The following ANKRD30BL variants were observed in gnomAD, a reference collection of about 807,000 sequenced individuals.
The protein encoded by ANKRD30BL is ankyrin repeat domain 30B like.
A neutral mutation model predicts 18.4 loss-of-function variants in ANKRD30BL; 20 were observed. That is an observed-to-expected ratio of 1.09 (90% CI 0.77 to 1.58). The LOEUF (loss-of-function observed/expected upper bound fraction) is 1.58. ANKRD30BL is among the 40% of genes most tolerant of loss of function. The probability of loss-of-function intolerance (pLI) is 0.00; values close to 1 mark genes in which losing one functional copy is unlikely to be tolerated. For missense variants in ANKRD30BL, 224 were observed against 268.6 expected (o/e 0.83, Z 1.16); for synonymous variants, 72 against 100.9 (o/e 0.71, Z 1.72).
At chr2:132,215,327 A>G (rs1294010984) in intron 1 of ANKRD30BL, among the ~76,000 whole-genome samples, 2 of 152,326 alleles carry the variant, frequency 1.3e-5, no homozygotes, top group African/African-American at 4.8e-5. Flanking sequence ...GAGCTCTTTG[A>G]GGCCTGAGGT....
intron 1 of ANKRD30BL, among the ~76,000 whole-genome samples, chr2:132,170,539 C>A (rs2104940685): frequency 6.6e-6 from 1 of 152,342 alleles, no homozygotes; most frequent in Non-Finnish European, 1.5e-5. Flanking sequence ...TCATTATTTG[C>A]ATAGTTTCAT....
intron 1 of ANKRD30BL, among the ~76,000 whole-genome samples, chr2:132,234,804 G>A (rs1467694955): frequency 6.6e-6 from 1 of 152,042 alleles, no homozygotes; most frequent in Non-Finnish European, 1.5e-5. Flanking sequence ...CCAATCAATT[G>A]AAAAAGAGGG....
At chr2:132,221,862 G>A (rs1359281281) in intron 1 of ANKRD30BL, among the ~76,000 whole-genome samples, 1 of 125,746 alleles carries the variant, frequency 8.0e-6, no homozygotes, top group South Asian at 2.4e-4. Flanking sequence ...CGTCCGGGAG[G>A]GGGGAGGGGG....
chr2:132,181,680 G>A (rs935897413), intron 1 of ANKRD30BL, among the ~76,000 whole-genome samples: 57 of 152,174 alleles, frequency 3.7e-4, no homozygotes, highest in South Asian at 2.1e-4. Flanking sequence ...AAAAGCCATG[G>A]TGTGTAAATG....
intron 1 of ANKRD30BL, among the ~76,000 whole-genome samples, chr2:132,231,495 G>A (rs547108024): frequency 1.3e-5 from 2 of 152,240 alleles, no homozygotes; most frequent in Non-Finnish European, 2.9e-5. Context: ...CCGTGCACGA[G>A]CTGAAGCAGG....
chr2:132,166,369 T>C (rs1688187115), upstream of ANKRD30BL, among the ~76,000 whole-genome samples: 1 of 151,712 alleles, frequency 6.6e-6, no homozygotes, highest in South Asian at 2.1e-4. Flanking sequence ...AAAATTGGTA[T>C]AATTTCTCCA....
intron 1 of ANKRD30BL, among the ~76,000 whole-genome samples, chr2:132,198,158 C>T (rs1457141259): frequency 2.6e-5 from 4 of 151,868 alleles, no homozygotes; most frequent in African/African-American, 7.2e-5. Flanking sequence ...AATATTTTAA[C>T]AAGAGTTATT....
chr2:132,248,245 G>T (rs1030576068), intron 1 of ANKRD30BL, among the ~76,000 whole-genome samples: 1 of 151,924 alleles, frequency 6.6e-6, no homozygotes, highest in African/African-American at 2.4e-5. Flanking sequence ...TTCTCAGAAT[G>T]CTTCTGTTTA....
intron 1 of ANKRD30BL, among the ~76,000 whole-genome samples, chr2:132,196,853 A>T (rs1212484824): frequency 7.2e-5 from 11 of 152,192 alleles, no homozygotes; most frequent in African/African-American, 2.2e-4. Context: ...AAAATTATAT[A>T]AAAAAGAAGT....
At chr2:132,176,139 A>T (rs926707792) in intron 1 of ANKRD30BL, among the ~76,000 whole-genome samples, 15 of 152,184 alleles carry the variant, frequency 9.9e-5, no homozygotes, top group Non-Finnish European at 2.1e-4. Flanking sequence ...CATGTCTGTA[A>T]TCCCAGCATT....
intron 1 of ANKRD30BL, among the ~76,000 whole-genome samples, chr2:132,233,463 T>C (rs1328090518): frequency 1.4e-5 from 2 of 139,574 alleles, no homozygotes; most frequent in Admixed American, 1.5e-4. Context: ...GAGACACACA[T>C]AGGCTCAAAA....
At chr2:132,202,153 CA>C (rs1181310564) in intron 1 of ANKRD30BL, among the ~76,000 whole-genome samples, 2 of 146,224 alleles carry the variant, frequency 1.4e-5, no homozygotes, top group Non-Finnish European at 2.9e-5. Context: ...GGGGTGGAGG[CA>C]GGGGGGAGGG....
At chr2:132,208,548 G>A (rs1274944336) in intron 1 of ANKRD30BL, among the ~76,000 whole-genome samples, 1 of 152,036 alleles carries the variant, frequency 6.6e-6, no homozygotes, top group African/African-American at 2.4e-5. Flanking sequence ...TTATGACACA[G>A]ACAAAAATAG....
Position 132,157,118 on chromosome 2 carries a change from G to T in ANKRD30BL, c.362C>A (p.Ala121Glu), listed in dbSNP as rs1158779240. The change falls in exon 3 of 6, where the codon GCA becomes GAA. Residue 121 changes from alanine to glutamate, a missense_variant. Around this residue, in one of 3 missense-constraint regions of ANKRD30BL, gnomAD observed 30 missense variants for 77.5 expected, o/e 0.39. Transcript: ENST00000409867. ...AGCACCAGAATCTATGAGAATATTTGCACAAGCCTCCCTCTGGCATTGCAG... is the reference window on the plus strand; with the variant it reads ...AGCACCAGAATCTATGAGAATATTTTCACAAGCCTCCCTCTGGCATTGCAG... Reference protein sequence around the residue: ...KALQCQREACANILIDSGADP... With the variant: ...KALQCQREACENILIDSGADP... 9.7e-6 allele frequency: 14 copies of T among 1,445,638 alleles called. No homozygotes were observed. Among genetic ancestry groups the T allele is most frequent in the Non-Finnish European group, 1.3e-5 (14 of 1,055,792 alleles). The allele number at this position is 1,445,638 out of a possible 1,614,324, so 89.6% of individuals were successfully genotyped here.
chr2:132,223,160 T>C (rs923818679), intron 1 of ANKRD30BL, among the ~76,000 whole-genome samples: 5 of 152,188 alleles, frequency 3.3e-5, no homozygotes, highest in African/African-American at 4.8e-5. Flanking sequence ...TTGCGATGTG[T>C]ACATTCAACT....
chr2:132,246,652 G>A (rs1222482740), intron 1 of ANKRD30BL, among the ~76,000 whole-genome samples: 2 of 151,610 alleles, frequency 1.3e-5, no homozygotes, highest in Non-Finnish European at 3.0e-5. Context: ...ATAAAAACTA[G>A]AAAGAAACAT....
intron 1 of ANKRD30BL, among the ~76,000 whole-genome samples, chr2:132,218,398 T>C (rs1279174678): frequency 6.7e-6 from 1 of 149,790 alleles, no homozygotes; most frequent in Non-Finnish European, 1.5e-5. Flanking sequence ...AACACTCTTT[T>C]TGTAGAATCT....
intron 1 of ANKRD30BL, among the ~76,000 whole-genome samples, chr2:132,221,945 C>A (rs531185807): frequency 1.2e-3 from 155 of 131,052 alleles, no homozygotes; most frequent in South Asian, 2.2e-3. Flanking sequence ...CCTGGCCAGC[C>A]GCCCCGTCCG....
intron 1 of ANKRD30BL, among the ~76,000 whole-genome samples, chr2:132,239,222 T>C (rs779706663): frequency 6.6e-6 from 1 of 152,032 alleles, no homozygotes; most frequent in Non-Finnish European, 1.5e-5. Context: ...GATACAGCAA[T>C]TTTGAAACAC....
Sources: gnomAD v4.1 joint callset for allele counts (sites outside exome capture counted in the v4.1 genomes callset) on GRCh38, gnomAD v4.1.1 for gene constraint, gnomAD v4.1.1 regional missense constraint, MANE v1.5 for transcripts, NCBI Gene and HGNC (gene_info 2026-07-23, HGNC 2026-07-21) for gene names.